VWC2: variants seen among roughly 807,000 people sequenced by gnomAD.
VWC2 encodes brorin.
A neutral mutation model predicts 29.8 loss-of-function variants in VWC2; 14 were observed. The observed-to-expected ratio is 0.47, with a 90% confidence interval of 0.31 to 0.74. The LOEUF is 0.74. VWC2 is among the 30% of genes least tolerant of loss of function. The pLI is 0.05. For missense variants in VWC2, 457 were observed against 459.8 expected, an observed-to-expected ratio of 0.99 and a Z score of 0.05; for synonymous variants, 213 against 199.0, an observed-to-expected ratio of 1.07 and a Z score of -0.59.
intron 3 of VWC2, among the ~76,000 whole-genome samples, chr7:49,881,273 T>C (rs2128727148): frequency 6.6e-6 from 1 of 152,294 alleles, no homozygotes; most frequent in African/African-American, 2.4e-5. Flanking sequence ...ATTTGTTTCA[T>C]CAACCAGCTA....
Position 49,872,502 on chromosome 7 carries a change from T to A in VWC2, c.827-39532T>A, listed in dbSNP as rs368840633. On this transcript the variant is annotated intron_variant, in intron 3 of 3. Transcript: ENST00000340652. ...AAAAGTAAGATTCAATATCTGTGAGTAAGAATCTATGGCTTACGGGGAATG... is the reference window on the plus strand; with the variant it reads ...AAAAGTAAGATTCAATATCTGTGAGAAAGAATCTATGGCTTACGGGGAATG... Among the ~76,000 whole-genome samples the A allele has an allele frequency of 1.6e-3, 236 of 150,950 alleles. 3 individuals carry two copies. Among genetic ancestry groups the A allele is most frequent in the African/African-American group, 5.5e-3 (226 of 41,156 alleles).
At chr7:49,801,895 C>A (rs1477115367) in intron 2 of VWC2, among the ~76,000 whole-genome samples, 3 of 152,214 alleles carry the variant, frequency 2.0e-5, no homozygotes, top group Admixed American at 6.5e-5. Flanking sequence ...GGCCCTTGGC[C>A]CCGCTTGGAT....
At chr7:49,852,696 C>T (rs1000552513) in intron 3 of VWC2, among the ~76,000 whole-genome samples, 4 of 151,876 alleles carry the variant, frequency 2.6e-5, no homozygotes, top group African/African-American at 7.3e-5. Context: ...GGATGGGGGA[C>T]GGGCCTTGCT....
At chr7:49,883,075 C>G (rs987305934) in intron 3 of VWC2, among the ~76,000 whole-genome samples, 1 of 151,948 alleles carries the variant, frequency 6.6e-6, no homozygotes, top group Non-Finnish European at 1.5e-5. Flanking sequence ...ACAGAGAAGC[C>G]AAGACCAGAT....
intron 3 of VWC2, among the ~76,000 whole-genome samples, chr7:49,890,480 G>C (rs925893691): frequency 6.6e-6 from 1 of 152,106 alleles, no homozygotes; most frequent in Admixed American, 6.5e-5. Flanking sequence ...AACATCTCTA[G>C]GTTAGCATCC....
chr7:49,909,600 G>T (rs1356404312), intron 3 of VWC2, among the ~76,000 whole-genome samples: 3 of 152,170 alleles, frequency 2.0e-5, no homozygotes, highest in African/African-American at 7.2e-5. Context: ...ATGGATATGT[G>T]ACACTGGGCT....
Position 49,776,096 on chromosome 7 carries a change from C to T in VWC2, c.661C>T (p.Arg221Trp). The change falls in exon 2 of 4, where the codon CGG (arginine) becomes TGG (tryptophan). Residue 221 changes from arginine to tryptophan, a missense_variant. Coordinates refer to ENST00000340652, the MANE Select transcript of VWC2 (RefSeq NM_198570.5). ...CKERKNYCEFRGKTYQTLEEF... is the reference protein window; with the variant it reads ...CKERKNYCEFWGKTYQTLEEF... ...GGAGAGGAAGAACTACTGCGAGTTC[C>T]GGGGCAAGACCTATCAGACTTTGGA... is the stretch of plus-strand genomic sequence containing the variant. The T allele has an allele frequency of 6.5e-7, 1 of 1,547,652 alleles. No homozygotes were observed. The highest frequency in any genetic ancestry group is 8.7e-7 in the Non-Finnish European group (1 of 1,152,018).
chr7:49,789,300 GGTGT>G (rs981124790), intron 2 of VWC2, among the ~76,000 whole-genome samples: 5 of 128,772 alleles, frequency 3.9e-5, no homozygotes, highest in East Asian at 2.4e-4. Context: ...AGTGTGAGCG[GGTGT>G]GTGAGTGTGG....
chr7:49,871,209 G>A lies in VWC2; in HGVS notation c.827-40825G>A, dbSNP rs545233863. Among the ~76,000 whole-genome samples, 15 of 152,232 alleles carry A rather than the reference G, an allele frequency of 9.9e-5. No individual in the cohort carries two copies. In the East Asian group the frequency reaches 1.7e-3, roughly 18 times the overall value. On this transcript the variant is annotated intron_variant, in intron 3 of 3. Transcript: ENST00000340652. ...AAACGAATAATAATATCTATTGTTG[G>A]TATCTTAATGAGGCTTCTTACAGCC...
chr7:49,800,281 G>C (rs1399984665), intron 2 of VWC2, among the ~76,000 whole-genome samples: 1 of 152,178 alleles, frequency 6.6e-6, no homozygotes. Flanking sequence ...AGCGCCTGCT[G>C]CCTAAGGACC....
At chr7:49,892,955 CACTT>C (rs10601888) in intron 3 of VWC2, among the ~76,000 whole-genome samples, 111,477 of 151,544 alleles carry the variant, frequency 0.74, 41,189 homozygotes, top group East Asian at 0.89. Flanking sequence ...GAAGAATCCT[CACTT>C]AAGTTGTTTA....
intron 3 of VWC2, among the ~76,000 whole-genome samples, chr7:49,831,490 A>G (rs561574277): frequency 5.3e-5 from 8 of 152,296 alleles, no homozygotes; most frequent in African/African-American, 1.9e-4. Context: ...GTGGAAAAGG[A>G]AGTAGATTTA....
chr7:49,866,531 C>G (rs79185835), intron 3 of VWC2, among the ~76,000 whole-genome samples: 4,180 of 152,244 alleles, frequency 0.027, 157 homozygotes, highest in South Asian at 0.12. Flanking sequence ...GCAGGTCACA[C>G]GGGCAAGCCC....
At chr7:49,897,421 A>G (rs1180473061) in intron 3 of VWC2, among the ~76,000 whole-genome samples, 1 of 152,216 alleles carries the variant, frequency 6.6e-6, no homozygotes, top group Non-Finnish European at 1.5e-5. Flanking sequence ...ATACATCAAT[A>G]CAGAAGAAGA....
At chr7:49,807,609 C>T (rs1788908644) in intron 3 of VWC2, among the ~76,000 whole-genome samples, 1 of 152,160 alleles carries the variant, frequency 6.6e-6, no homozygotes, top group African/African-American at 2.4e-5. Context: ...TGCTACCTCA[C>T]ATTTGACAAA....
At chr7:49,799,082 G>A (rs1788672074) in intron 2 of VWC2, among the ~76,000 whole-genome samples, 1 of 152,206 alleles carries the variant, frequency 6.6e-6, no homozygotes, top group Non-Finnish European at 1.5e-5. Flanking sequence ...GGCTGAAAAG[G>A]GCAGGGCATT....
At chr7:49,892,205 C>T (rs1183480938) in intron 3 of VWC2, among the ~76,000 whole-genome samples, 2 of 151,224 alleles carry the variant, frequency 1.3e-5, no homozygotes, top group Admixed American at 6.6e-5. Context: ...CCATCACGCC[C>T]GGCTAATTTT....
chr7:49,819,023 C>T (rs1448153151), intron 3 of VWC2, among the ~76,000 whole-genome samples: 4 of 152,112 alleles, frequency 2.6e-5, no homozygotes, highest in Non-Finnish European at 4.4e-5. Flanking sequence ...CTTCGCTTAT[C>T]TCCTAATAAC....
chr7:49,892,167 C>CCCGAG (rs1237316452), intron 3 of VWC2, among the ~76,000 whole-genome samples: 1 of 150,722 alleles, frequency 6.6e-6, no homozygotes, highest in East Asian at 2.0e-4. Flanking sequence ...GCCTCAGCCT[C>CCCGAG]CCGAGTAGCT....
Sources: gnomAD v4.1 joint callset for allele counts (sites outside exome capture counted in the v4.1 genomes callset) on GRCh38, gnomAD v4.1.1 for gene constraint, MANE v1.5 for transcripts, NCBI Gene and HGNC (gene_info 2026-07-23, HGNC 2026-07-21) for gene names.